CAST: variants seen among roughly 807,000 people sequenced by gnomAD.
CAST encodes the protein MIR583 host.
In CAST, 76 loss-of-function variants were observed where a neutral mutation model predicts 119.6. The observed-to-expected ratio is 0.64, with a 90% CI of 0.53 to 0.77. The LOEUF is 0.77. Among genes scored for constraint, CAST ranks in the 30% least tolerant of loss-of-function variants. The pLI is 0.00. For synonymous variants in CAST, 319 were observed against 331.6 expected, an observed-to-expected ratio of 0.96 and a Z score of 0.41; for missense variants, 953 against 946.5, an observed-to-expected ratio of 1.01 and a Z score of -0.09.
chr5:96,757,316 A>G, intron 22 of CAST, 128 bp from the exon 23 acceptor site: 2 of 859,520 alleles, frequency 2.3e-6, no homozygotes, highest in East Asian at 2.4e-5. Context: ...CCTTCGTGAC[A>G]TGATGGATCT....
chr5:96,001,093 G>T, the CAST span, among the ~76,000 whole-genome samples: 1 of 152,112 alleles, frequency 6.6e-6, no homozygotes, highest in Non-Finnish European at 1.5e-5. Flanking sequence ...CCCTCAGTTT[G>T]CTCCCAGTGT....
the CAST span, among the ~76,000 whole-genome samples, chr5:96,320,911 T>C: frequency 2.0e-5 from 3 of 152,146 alleles, no homozygotes; most frequent in African/African-American, 7.2e-5. Flanking sequence ...ATAGTCCCCC[T>C]TCCCCCAGAA....
chr5:96,714,136 C>A (rs972096224), intron 3 of CAST, among the ~76,000 whole-genome samples: 2 of 152,124 alleles, frequency 1.3e-5, no homozygotes, highest in African/African-American at 4.8e-5. Flanking sequence ...TATATACATA[C>A]CCTCATTTAA....
chr5:96,434,616 TTTG>T, the CAST span, among the ~76,000 whole-genome samples: 1 of 142,482 alleles, frequency 7.0e-6, no homozygotes, highest in Non-Finnish European at 1.5e-5. Context: ...TGTTTTTTTT[TTTG>T]TTGTTGTTGT....
At chr5:96,743,443 G>T in intron 16 of CAST, 1 of 683,990 alleles carries the variant, frequency 1.5e-6, no homozygotes, top group Non-Finnish European at 2.4e-6. Flanking sequence ...TGGGGAGATG[G>T]AAAGGTAGCC....
the CAST span, among the ~76,000 whole-genome samples, chr5:96,232,927 CA>C: frequency 6.6e-6 from 1 of 151,958 alleles, no homozygotes; most frequent in East Asian, 1.9e-4. Context: ...AATTCTACTT[CA>C]AAACACAGTA....
chr5:96,308,556 G>C, the CAST span, among the ~76,000 whole-genome samples: 1 of 151,988 alleles, frequency 6.6e-6, no homozygotes, highest in Non-Finnish European at 1.5e-5. Flanking sequence ...GGAATTTTCA[G>C]CCTTTTTGCG....
chr5:96,526,529 T>C (rs1394067538), upstream of CAST, among the ~76,000 whole-genome samples: 1 of 152,188 alleles, frequency 6.6e-6, no homozygotes, highest in African/African-American at 2.4e-5. Flanking sequence ...AGGTAGTTGA[T>C]GGGGAAATAA....
intron 1 of CAST, among the ~76,000 whole-genome samples, chr5:96,628,092 A>T (rs958491839): frequency 1.3e-5 from 2 of 152,246 alleles, no homozygotes; most frequent in African/African-American, 2.4e-5. Context: ...TTTGTTAAGC[A>T]TCCTTTTAAA....
At chr5:96,286,287 C>T in the CAST span, among the ~76,000 whole-genome samples, 1 of 152,106 alleles carries the variant, frequency 6.6e-6, no homozygotes, top group Non-Finnish European at 1.5e-5. Flanking sequence ...ACTCTAGTTG[C>T]CATAAAGGTA....
intron 1 of CAST, among the ~76,000 whole-genome samples, chr5:96,598,491 A>G (rs1425297158): frequency 6.6e-6 from 1 of 151,844 alleles, no homozygotes; most frequent in East Asian, 1.9e-4. Context: ...GAAGATTTGC[A>G]ATGGCCTGGC....
intron 13 of CAST, 99 bp from the exon 14 acceptor site, chr5:96,741,167 G>T: frequency 1.4e-6 from 1 of 704,744 alleles, no homozygotes; most frequent in East Asian, 2.6e-5. Context: ...TGGTAGCAAG[G>T]GAATTGGAAA....
the CAST span, among the ~76,000 whole-genome samples, chr5:96,108,535 C>T: frequency 6.6e-3 from 1,003 of 151,110 alleles, 11 homozygotes; most frequent in African/African-American, 0.022. Flanking sequence ...TTAGGCTGCT[C>T]GGGGATCAGG....
the CAST span, among the ~76,000 whole-genome samples, chr5:96,243,514 T>C: frequency 6.6e-6 from 1 of 152,178 alleles, no homozygotes; most frequent in African/African-American, 2.4e-5. Context: ...ATGGCACCAA[T>C]ATGCAGTCAC....
chr5:96,251,917 C>T, the CAST span, among the ~76,000 whole-genome samples: 6 of 152,222 alleles, frequency 3.9e-5, no homozygotes, highest in African/African-American at 1.4e-4. Flanking sequence ...TATACTTTTT[C>T]TATTATTTCT....
At chr5:96,423,364 G>A in the CAST span, 41 of 1,613,568 alleles carry the variant, frequency 2.5e-5, 2 homozygotes, top group Admixed American at 4.0e-4. Context: ...CATCCAGTAC[G>A]GTGATAACAA....
intron 4 of CAST, among the ~76,000 whole-genome samples, chr5:96,726,145 T>G (rs1207009667): frequency 3.3e-5 from 5 of 152,198 alleles, no homozygotes; most frequent in African/African-American, 1.2e-4. Flanking sequence ...GACCCTAGTT[T>G]GTAATCTCTG....
chr5:96,380,657 T>G, the CAST span, among the ~76,000 whole-genome samples: 1 of 152,204 alleles, frequency 6.6e-6, no homozygotes, highest in African/African-American at 2.4e-5. Context: ...AGCTTTCAAG[T>G]GAAATTAAAG....
At chr5:96,120,163 C>T in the CAST span, among the ~76,000 whole-genome samples, 2 of 152,092 alleles carry the variant, frequency 1.3e-5, no homozygotes, top group African/African-American at 2.4e-5. Flanking sequence ...GGTGTTATCT[C>T]TCTCCCACTG....
Sources: allele counts gnomAD v4.1 joint callset (sites outside exome capture counted in the v4.1 genomes callset), GRCh38; gene constraint gnomAD v4.1.1; transcripts MANE v1.5; gene names NCBI Gene and HGNC (gene_info 2026-07-23, HGNC 2026-07-21).